Variants in UBE2L3 observed in about 807,000 individuals in gnomAD.
UBE2L3 encodes the protein ubiquitin conjugating enzyme E2 L3.
A neutral mutation model predicts 17.8 loss-of-function variants in UBE2L3; 1 was observed. That is an observed-to-expected ratio of 0.06 (90% CI 0.02 to 0.27). UBE2L3 has a LOEUF of 0.27. Ranked by LOEUF, UBE2L3 falls within the 10% of genes least tolerant of loss-of-function variation. The pLI, the probability that UBE2L3 is intolerant of heterozygous loss-of-function variation, is 1.00. For synonymous variants in UBE2L3, 44 were observed against 68.5 expected, an observed-to-expected ratio of 0.64 and a Z score of 1.76; for missense variants, 40 against 192.6, an observed-to-expected ratio of 0.21 and a Z score of 4.69.
intron 2 of UBE2L3, among the ~76,000 whole-genome samples, chr22:21,595,221 C>T (rs1240420802): frequency 6.6e-6 from 1 of 152,216 alleles, no homozygotes; most frequent in African/African-American, 2.4e-5. Flanking sequence ...CTGTGTATAC[C>T]ACTTCTTCTC....
At chr22:21,582,085 A>G (rs1388753369) in intron 1 of UBE2L3, among the ~76,000 whole-genome samples, 1 of 150,612 alleles carries the variant, frequency 6.6e-6, no homozygotes, top group Non-Finnish European at 1.5e-5. Context: ...GCACCACTGC[A>G]CTCCAGTCTG....
chr22:21,567,946 C>T, intron 1 of UBE2L3, 175 bp downstream of exon 1: 1 of 1,411,854 alleles, frequency 7.1e-7, no homozygotes. Flanking sequence ...GCCTAGGCCG[C>T]AGCCTGGGCG....
chr22:21,567,034 T>G (rs561403721), upstream of UBE2L3, among the ~76,000 whole-genome samples: 199 of 152,266 alleles, frequency 1.3e-3, no homozygotes, highest in African/African-American at 4.5e-3. Flanking sequence ...TAGAGAGAGG[T>G]CTGGCACTTA....
intron 2 of UBE2L3, among the ~76,000 whole-genome samples, chr22:21,609,429 G>C (rs1235993076): frequency 2.6e-5 from 4 of 152,182 alleles, no homozygotes; most frequent in African/African-American, 9.7e-5. Context: ...AAATGAGTCT[G>C]GGTGCAGTGG....
intron 3 of UBE2L3, 76 bp downstream of exon 3, chr22:21,611,119 G>A: frequency 2.1e-6 from 3 of 1,431,740 alleles, no homozygotes; most frequent in Non-Finnish European, 2.8e-6. Flanking sequence ...TCTGGTACCA[G>A]ATCAGACAGA....
intron 2 of UBE2L3, among the ~76,000 whole-genome samples, chr22:21,600,660 C>T (rs940419761): frequency 6.6e-6 from 1 of 151,932 alleles, no homozygotes; most frequent in Non-Finnish European, 1.5e-5. Flanking sequence ...CGCGCCACTG[C>T]ACTCCAGCCT....
At chr22:21,613,334 C>T (rs112202318) in intron 3 of UBE2L3, among the ~76,000 whole-genome samples, 1 of 152,196 alleles carries the variant, frequency 6.6e-6, no homozygotes. Context: ...TCCCCCACCC[C>T]CAAGAGCCAA....
chr22:21,617,361 G>T (rs945902031), intron 3 of UBE2L3, among the ~76,000 whole-genome samples: 4 of 151,980 alleles, frequency 2.6e-5, no homozygotes, highest in African/African-American at 9.7e-5. Context: ...CCGCCTCCTG[G>T]ATTCAAGCAT....
Position 21,621,460 on chromosome 22 carries a change from C to G in UBE2L3, c.311-55C>G. On this transcript the variant is annotated intron_variant, in intron 3 of 3. Transcript: ENST00000342192. ...TGTTCCCGGATTAGCTGCCTCTTGC[C>G]TGTGCCATTTCTGAGACTGTGTTAA... The G allele has an allele frequency of 2.0e-6, 3 of 1,532,954 alleles. No homozygotes were observed. The South Asian group carries it at 3.8e-5, about 19-fold the overall frequency. 95.0% of individuals were successfully genotyped at this position (1,532,954 alleles called of 1,614,324 possible).
chr22:21,564,350 G>C (rs1926560342), upstream of UBE2L3, among the ~76,000 whole-genome samples: 1 of 152,130 alleles, frequency 6.6e-6, no homozygotes, highest in African/African-American at 2.4e-5. Context: ...TGGGAGGCTT[G>C]GGCAGATGGC....
At chr22:21,613,329 C>G (rs772565606) in intron 3 of UBE2L3, among the ~76,000 whole-genome samples, 3 of 152,190 alleles carry the variant, frequency 2.0e-5, no homozygotes, top group Non-Finnish European at 4.4e-5. Flanking sequence ...GCTTCTCCCC[C>G]ACCCCCAAGA....
chr22:21,616,639 G>A (rs193213419), intron 3 of UBE2L3, among the ~76,000 whole-genome samples: 1 of 148,084 alleles, frequency 6.8e-6, no homozygotes, highest in African/African-American at 2.5e-5. Context: ...GTGACAGAGT[G>A]AGAGCGAGAC....
chr22:21,600,354 C>A (rs1389415550), intron 2 of UBE2L3, among the ~76,000 whole-genome samples: 1 of 151,768 alleles, frequency 6.6e-6, no homozygotes, highest in East Asian at 1.9e-4. Flanking sequence ...AAACTTATTC[C>A]TACTATTTAC....
At chr22:21,573,951 A>G (rs927750795) in intron 1 of UBE2L3, among the ~76,000 whole-genome samples, 1 of 152,152 alleles carries the variant, frequency 6.6e-6, no homozygotes, top group Non-Finnish European at 1.5e-5. Flanking sequence ...ACCTCTCTAT[A>G]GAGGGGTCAC....
chr22:21,564,035 TTC>T (rs767056601), upstream of UBE2L3, among the ~76,000 whole-genome samples: 8 of 150,386 alleles, frequency 5.3e-5, no homozygotes, highest in East Asian at 1.2e-3. Context: ...TTTTCTTTCT[TTC>T]TTTTTTTTTT....
At chr22:21,617,801 A>G (rs1021511181) in intron 3 of UBE2L3, among the ~76,000 whole-genome samples, 1 of 152,232 alleles carries the variant, frequency 6.6e-6, no homozygotes, top group Non-Finnish European at 1.5e-5. Context: ...GAAGTTTATT[A>G]TAGTTTAGCT....
rs146573398 is a variant in UBE2L3 at position 21,585,759 on chromosome 22, G to C, written c.28-7102G>C. On this transcript the variant is annotated intron_variant, in intron 1 of 3. Coordinates refer to ENST00000342192, the MANE Select transcript of UBE2L3 (RefSeq NM_003347.4). ...AGACATCCTGGGGAAAGACATAGAG[G>C]GGGGAAGTCACCAGGCTGACTTGGT... Among the ~76,000 whole-genome samples, 744 of 152,224 alleles carry C rather than the reference G, an allele frequency of 4.9e-3. 7 individuals carry two copies. The highest frequency in any genetic ancestry group is 7.7e-3 in the Admixed American group (118 of 15,246).
At chr22:21,560,653 G>A (rs1306791672) in intron 1 of UBE2L3, among the ~76,000 whole-genome samples, 2 of 150,930 alleles carry the variant, frequency 1.3e-5, no homozygotes, top group East Asian at 1.9e-4. Flanking sequence ...GTTTCACCAC[G>A]TTGGCCAGGC....
chr22:21,591,537 A>G lies in UBE2L3; in HGVS notation c.28-1324A>G, dbSNP rs548128119. Among the ~76,000 whole-genome samples the G allele has an allele frequency of 4.6e-5, 7 of 152,152 alleles. No individual in the cohort carries two copies. In the South Asian group the frequency reaches 1.2e-3, roughly 27 times the overall value. On this transcript the variant is annotated intron_variant, in intron 1 of 3. Transcript: ENST00000342192. The stretch of plus-strand genomic sequence containing the variant: ...GGCCGGGCGCCCAGCACATCTTCCT[A>G]CTCAGAACCAGTAACCTGGGCTCCG...
Sources: allele counts gnomAD v4.1 joint callset (sites outside exome capture counted in the v4.1 genomes callset), GRCh38; gene constraint gnomAD v4.1.1; transcripts MANE v1.5; gene names NCBI Gene and HGNC (gene_info 2026-07-23, HGNC 2026-07-21).